MAP3K4: variants seen among roughly 807,000 people sequenced by gnomAD.
The protein encoded by MAP3K4 is mitogen-activated protein kinase kinase kinase 4.
In MAP3K4, 67 loss-of-function variants were observed where a neutral mutation model predicts 185.6. The ratio of observed to expected loss-of-function variants is 0.36; its 90% CI spans 0.30 to 0.44. The LOEUF (loss-of-function observed/expected upper bound fraction) is 0.44. Ranked by LOEUF, MAP3K4 falls within the 20% of genes least tolerant of loss-of-function variation. MAP3K4 has a pLI of 1.00. For synonymous variants in MAP3K4, 702 were observed against 710.4 expected, an observed-to-expected ratio of 0.99 and a Z score of 0.19; for missense variants, 1,551 against 1,995.1, an observed-to-expected ratio of 0.78 and a Z score of 4.24.
rs1417011825 is a variant in MAP3K4, at chr6:161,086,370, A to G, written c.2373-9A>G. On this transcript the variant is annotated splice_polypyrimidine_tract_variant and intron_variant, in intron 7 of 26. Transcript: ENST00000392142. The surrounding 1 kb of genome is among the most constrained non-coding windows in gnomAD (Gnocchi z 4.8). ...ATGTGTTCTAACTGGACTTGAATCC[A>G]CTTGGCAGGAGGTCTGTTATAGAGA... 1.3e-6 allele frequency: 2 copies of G among 1,577,350 alleles called. No homozygotes were observed. Among genetic ancestry groups the G allele is most frequent in the African/African-American group, 1.4e-5 (1 of 73,824 alleles).
In MAP3K4 at chr6:161,104,611, C is replaced by T. The variant is rs559049769; in HGVS notation, c.3856+1832C>T. Among the ~76,000 whole-genome samples the T allele has an allele frequency of 1.2e-4, 18 of 146,510 alleles. No individual in the cohort carries two copies. The South Asian group carries it at 3.3e-3, about 27-fold the overall frequency. On this transcript the variant is annotated intron_variant, in intron 19 of 26. Transcript: ENST00000392142. ...CTGTAGTCCCAGCTACTTGGGAGGC[C>T]GAGGCAGAAGAATCTCTTAAACCCA...
At chr6:161,078,353 G>GC (rs1452877652) in intron 5 of MAP3K4, among the ~76,000 whole-genome samples, 1 of 152,324 alleles carries the variant, frequency 6.6e-6, no homozygotes, top group East Asian at 1.9e-4. Flanking sequence ...ACAGTAAGGG[G>GC]CTGCAGGGTG....
At position 161,093,839 on chromosome 6, in the gene MAP3K4, G is replaced by A; in HGVS notation, c.3415G>A (p.Gly1139Ser). 6.2e-7 allele frequency: 1 copy of A among 1,612,776 alleles called. No homozygotes were observed. Among genetic ancestry groups the A allele is most frequent in the South Asian group, 1.1e-5 (1 of 90,916 alleles). The change falls in exon 15 of 27, where the codon GGT (glycine) becomes AGT (serine). Residue 1139 changes from glycine to serine, a missense_variant. Around this residue, in one of 16 missense-constraint regions of MAP3K4, gnomAD observed 272 missense variants for 301.2 expected, o/e 0.90. Coordinates refer to ENST00000392142, the MANE Select transcript of MAP3K4 (RefSeq NM_005922.4). This position sits in a 1 kb window ranked among gnomAD's most constrained non-coding sequence, Gnocchi z 5.2. ...AGGAAAACCACACAGTCCTGTTACAGGTTTGTACCTTGGTAAGACAGCCGT... is the reference window on the plus strand; with the variant it reads ...AGGAAAACCACACAGTCCTGTTACAAGTTTGTACCTTGGTAAGACAGCCGT... ...VIGKPHSPVT[G>S]LYLAIHRNSP...
chr6:161,087,091 C>CT lies in MAP3K4; in HGVS notation c.2556+427dup, dbSNP rs1785759648. 1.3e-5 allele frequency among the ~76,000 whole-genome samples: 2 copies of CT among 152,322 alleles called. No homozygotes were observed. The highest frequency in any genetic ancestry group is 1.5e-5 in the Non-Finnish European group (1 of 68,038). ...TTTTTGAGTCAGCAACTTTACTCCA[C>CT]TTTAAGTTGTTGGAGATTTAGCACA... On this transcript the variant is annotated intron_variant, in intron 9 of 26. Coordinates refer to ENST00000392142, the MANE Select transcript of MAP3K4 (RefSeq NM_005922.4). This position sits in a 1 kb window ranked among gnomAD's most constrained non-coding sequence, Gnocchi z 4.9.
chr6:161,018,169 T>C, intron 1 of MAP3K4, among the ~76,000 whole-genome samples: 1 of 151,988 alleles, frequency 6.6e-6, no homozygotes, highest in South Asian at 2.1e-4. Flanking sequence ...AGGAAGCAGA[T>C]TGGAGTTTGA....
rs182094654 is a variant in MAP3K4 at position 161,033,961 on chromosome 6, A to G, written c.153-298A>G. Among the ~76,000 whole-genome samples, 706 of 152,294 alleles carry G rather than the reference A, an allele frequency of 4.6e-3. 6 individuals carry two copies. The Middle Eastern group carries it at 0.051, about 11-fold the overall frequency. ...CCTTAAGGCGTAAGTTTTTAGTTCTATATTTCATTTGTGTTAGAAAGAGCT... is the reference window on the plus strand; with the variant it reads ...CCTTAAGGCGTAAGTTTTTAGTTCTGTATTTCATTTGTGTTAGAAAGAGCT... On this transcript the variant is annotated intron_variant, in intron 1 of 26. Coordinates refer to ENST00000392142, the MANE Select transcript of MAP3K4 (RefSeq NM_005922.4).
At chr6:161,030,431 A>AT (rs1384046383) in intron 1 of MAP3K4, among the ~76,000 whole-genome samples, 1 of 150,156 alleles carries the variant, frequency 6.7e-6, no homozygotes, top group Non-Finnish European at 1.5e-5. Flanking sequence ...TTTCTTTGGT[A>AT]TTTTTGTTTG....
rs1239467225 is a variant in MAP3K4, at chr6:161,064,841, G to A, written c.1708-5767G>A. Among the ~76,000 whole-genome samples, 1 of 152,174 alleles carries A rather than the reference G, an allele frequency of 6.6e-6. No individual in the cohort carries two copies. ...TGGAGGGTACACGGCACGCCTACAG[G>A]CCGCTCATGCAGAGGTCAGGAAGTG... On this transcript the variant is annotated intron_variant, in intron 3 of 26. Coordinates refer to ENST00000392142, the MANE Select transcript of MAP3K4 (RefSeq NM_005922.4). The surrounding 1 kb of genome is among the most constrained non-coding windows in gnomAD (Gnocchi z 4.3).
At position 161,108,284 on chromosome 6, in the gene MAP3K4, C is replaced by T. The variant is rs867480093; in HGVS notation, c.4119+315C>T. Among the ~76,000 whole-genome samples the T allele has an allele frequency of 5.3e-5, 8 of 152,166 alleles. No homozygotes were observed. The South Asian group carries it at 6.2e-4, about 12-fold the overall frequency. ...TTAACAGTAGTGTCTTATGGGGACA[C>T]ATTGGGGGAGAAGATAACATTTATG... On this transcript the variant is annotated intron_variant, in intron 21 of 26. Coordinates refer to ENST00000392142, the MANE Select transcript of MAP3K4 (RefSeq NM_005922.4). The surrounding 1 kb of genome is among the most constrained non-coding windows in gnomAD (Gnocchi z 5.7).
At position 161,061,380 on chromosome 6, in the gene MAP3K4, C is replaced by T. The variant is rs761253915; in HGVS notation, c.1708-9228C>T. 6.6e-5 allele frequency among the ~76,000 whole-genome samples: 10 copies of T among 152,354 alleles called. No homozygotes were observed. In the South Asian group the frequency reaches 8.3e-4, roughly 13 times the overall value. On this transcript the variant is annotated intron_variant, in intron 3 of 26. Coordinates refer to ENST00000392142, the MANE Select transcript of MAP3K4 (RefSeq NM_005922.4). This position sits in a 1 kb window ranked among gnomAD's most constrained non-coding sequence, Gnocchi z 4.2. ...TAAAGACTTTTGGAACATTTCTTCT[C>T]GTGGCTCTGCCACTGACTAGATATA...
At chr6:160,997,225 C>G (rs959798444) in intron 1 of MAP3K4, among the ~76,000 whole-genome samples, 2 of 151,998 alleles carry the variant, frequency 1.3e-5, no homozygotes, top group African/African-American at 2.4e-5. Flanking sequence ...GTCTCCATCC[C>G]CCACCCAGTA....
intron 4 of MAP3K4, among the ~76,000 whole-genome samples, chr6:161,072,384 T>C (rs1459853600): frequency 6.6e-6 from 1 of 152,212 alleles, no homozygotes; most frequent in African/African-American, 2.4e-5. Context: ...TATCCATTTG[T>C]TTTTCCTGCA....
rs578086006 is a variant in MAP3K4 at position 161,112,913 on chromosome 6, C to G, written c.4626+139C>G. The G allele has an allele frequency of 6.0e-4, 280 of 470,250 alleles. No homozygotes were observed. In the Admixed American group the frequency reaches 0.01, roughly 17 times the overall value. 29.1% of individuals were successfully genotyped at this position (470,250 alleles called of 1,614,324 possible). A position where few individuals can be genotyped will look rare whatever the true frequency, so the allele number is the denominator to read the frequency against. On this transcript the variant is annotated intron_variant, in intron 25 of 26. Coordinates refer to ENST00000392142, the MANE Select transcript of MAP3K4 (RefSeq NM_005922.4). This position sits in a 1 kb window ranked among gnomAD's most constrained non-coding sequence, Gnocchi z 5.1. ...ACGATATTAGATACAAAAATCTGAT[C>G]CATCAAAAGATTAAGACAAATGACA...
rs1778185648 is a variant in MAP3K4 at position 161,108,194 on chromosome 6, C to T, written c.4119+225C>T. ...AATAAGTCACAGACAGTTCTAACAG[C>T]ACAGGTGTGAGAAGGGCCTATGAGG... On this transcript the variant is annotated intron_variant, in intron 21 of 26. Coordinates refer to ENST00000392142, the MANE Select transcript of MAP3K4 (RefSeq NM_005922.4). This position sits in a 1 kb window ranked among gnomAD's most constrained non-coding sequence, Gnocchi z 5.7. 6.6e-6 allele frequency among the ~76,000 whole-genome samples: 1 copy of T among 152,184 alleles called. No homozygotes were observed. Among genetic ancestry groups the T allele is most frequent in the South Asian group, 2.1e-4 (1 of 4,824 alleles).
intron 5 of MAP3K4, among the ~76,000 whole-genome samples, chr6:161,079,823 T>G (rs1393025613): frequency 6.6e-6 from 1 of 152,110 alleles, no homozygotes; most frequent in Non-Finnish European, 1.5e-5. Flanking sequence ...TCAGACACAG[T>G]GAACGATACA....
In MAP3K4 at chr6:161,084,553, T is replaced by C. The variant is rs1245147938; in HGVS notation, c.2308T>C (p.Leu770=). 6 of 1,612,712 alleles carry C rather than the reference T, an allele frequency of 3.7e-6. No homozygotes were observed. In the Admixed American group the frequency reaches 8.3e-5, roughly 22 times the overall value. ...TACAGGAAGTTTTTTAGAATTTGGC[T>C]TACAGGAGAGCTGTGCTGAATTTTG... ...KSTGSFLEFG[L]QESCAEFWTS... Residue 770 remains leucine (L), a synonymous_variant, in exon 7 of 27, where the codon TTA becomes CTA. Coordinates refer to ENST00000392142, the MANE Select transcript of MAP3K4 (RefSeq NM_005922.4). The surrounding 1 kb of genome is among the most constrained non-coding windows in gnomAD (Gnocchi z 4.6).
At position 161,074,405 on chromosome 6, in the gene MAP3K4, C is replaced by T. The variant is rs1051600972; in HGVS notation, c.2097+793C>T. Reference sequence around the variant, plus strand: ...AATGCCCCCTCCTCCACTTTATCTGCCTATTTAAGGCTTACTTTCAGGTTT... The same window carrying T: ...AATGCCCCCTCCTCCACTTTATCTGTCTATTTAAGGCTTACTTTCAGGTTT... On this transcript the variant is annotated intron_variant, in intron 5 of 26. Transcript: ENST00000392142. The surrounding 1 kb of genome is among the most constrained non-coding windows in gnomAD (Gnocchi z 5.0). Among the ~76,000 whole-genome samples, 1 of 152,166 alleles carries T rather than the reference C, an allele frequency of 6.6e-6. No individual in the cohort carries two copies. Among genetic ancestry groups the T allele is most frequent in the South Asian group, 2.1e-4 (1 of 4,830 alleles).
At chr6:161,102,818 A>AC in intron 19 of MAP3K4, 39 bp downstream of exon 19, 2 of 1,397,768 alleles carry the variant, frequency 1.4e-6, no homozygotes, top group East Asian at 2.4e-5. Flanking sequence ...AAAAAAAAAA[A>AC]AAAAAACACG....
In MAP3K4 at chr6:161,115,081, G is replaced by A; in HGVS notation, c.4627-42G>A. The A allele has an allele frequency of 1.3e-6, 2 of 1,534,400 alleles. No homozygotes were observed. The highest frequency in any genetic ancestry group is 2.3e-5 in the South Asian group (2 of 86,468). On this transcript the variant is annotated intron_variant, in intron 25 of 26. Coordinates refer to ENST00000392142, the MANE Select transcript of MAP3K4 (RefSeq NM_005922.4). The surrounding 1 kb of genome is among the most constrained non-coding windows in gnomAD (Gnocchi z 6.0). The stretch of plus-strand genomic sequence containing the variant: ...CTGAACATTTGCGTTGTTTGTGGCT[G>A]TGTAATATTAAAATCTGATTTTTTA...
Sources: gnomAD v4.1 joint callset for allele counts (sites outside exome capture counted in the v4.1 genomes callset) on GRCh38, gnomAD v4.1.1 for gene constraint, gnomAD v4.1.1 regional missense constraint, Gnocchi (gnomAD v3.1) non-coding constraint, MANE v1.5 for transcripts, NCBI Gene and HGNC (gene_info 2026-07-23, HGNC 2026-07-21) for gene names.